The following ADPRH variants were observed in gnomAD, a reference collection of about 807,000 sequenced individuals.
ADPRH encodes ADP-ribosylarginine hydrolase, also known as ADP-ribose-L-arginine cleaving enzyme.
ADPRH carries 27 observed loss-of-function variants against 28.8 expected under a neutral mutation model. The observed-to-expected ratio is 0.94, with a 90% CI of 0.69 to 1.29. The LOEUF (loss-of-function observed/expected upper bound fraction) is 1.29, where lower values mean the gene tolerates loss of function less well. Ranked by LOEUF, ADPRH falls within the 50% of genes most tolerant of loss-of-function variation. The pLI, the probability that ADPRH is intolerant of heterozygous loss-of-function variation, is 0.00. For synonymous variants in ADPRH, 161 were observed against 166.9 expected (o/e 0.96, Z 0.27); for missense variants, 419 against 444.8 (o/e 0.94, Z 0.52).
At chr3:119,586,715 A>T in intron 4 of ADPRH, 70 bp downstream of exon 4, 1 of 1,568,446 alleles carries the variant, frequency 6.4e-7, no homozygotes, top group Non-Finnish European at 8.6e-7. Context: ...CTGCACATAT[A>T]TGTCTTGTAT....
At chr3:119,582,672 G>T (rs748613288) in intron 3 of ADPRH, among the ~76,000 whole-genome samples, 2 of 152,182 alleles carry the variant, frequency 1.3e-5, no homozygotes, top group Non-Finnish European at 2.9e-5. Context: ...CTTGAACCCA[G>T]GAGTTCAAGA....
At chr3:119,586,780 C>T in intron 4 of ADPRH, 135 bp downstream of exon 4, 1 of 1,280,062 alleles carries the variant, frequency 7.8e-7, no homozygotes, top group South Asian at 1.5e-5. Context: ...TTCTACCCAT[C>T]TGCTAAGGAT....
chr3:119,587,833 T>A lies in ADPRH; in HGVS notation c.1029T>A (p.Ala343=). 6.2e-7 allele frequency: 1 copy of A among 1,612,228 alleles called. No individual in the cohort carries two copies. Among genetic ancestry groups the A allele is most frequent in the Non-Finnish European group, 8.5e-7 (1 of 1,179,016 alleles). Residue 343 remains alanine, a synonymous_variant, in exon 5 of 5, where the codon GCT becomes GCA. Transcript: ENST00000357003. ...ACCGGCTGGAAGAGACAGCTAGGGC[T>A]TTATATTCTCTCGGGTCAAAAGAAG... ...YRNRLEETAR[A]LYSLGSKEDT... is the part of the protein sequence containing the mutation.
chr3:119,583,259 T>G (rs1207866771), intron 3 of ADPRH, among the ~76,000 whole-genome samples: 2 of 152,012 alleles, frequency 1.3e-5, no homozygotes, highest in Non-Finnish European at 2.9e-5. Context: ...AGAAAGAACC[T>G]AAATCTCTCA....
Position 119,587,445 on chromosome 3 carries a change from G to A in ADPRH, c.660-19G>A. On this transcript the variant is annotated intron_variant, in intron 4 of 4. Transcript: ENST00000357003. ...ACTTTATTTTTTTCAATTGACTCTA[G>A]ATTTTTTCCTTTCTACAGGTCCTAC... 1 of 1,484,072 alleles carries A rather than the reference G, an allele frequency of 6.7e-7. No homozygotes were observed. The highest frequency in any genetic ancestry group is 1.5e-5 in the South Asian group (1 of 65,242). The allele number at this position is 1,484,072 out of a possible 1,614,324, so 91.9% of individuals were successfully genotyped here.
chr3:119,582,395 T>C lies in ADPRH; in HGVS notation c.226T>C (p.Leu76=). 2 of 1,614,120 alleles carry C rather than the reference T, an allele frequency of 1.2e-6. No individual in the cohort carries two copies. The highest frequency in any genetic ancestry group is 1.7e-6 in the Non-Finnish European group (2 of 1,180,012). ...ALVEAGKAPK[L]TQLYYLLAKH... Reference sequence around the variant, plus strand: ...TGTGGAAGCTGGGAAAGCCCCTAAGTTGACTCAACTGTATTACCTCCTTGC... The same window carrying C: ...TGTGGAAGCTGGGAAAGCCCCTAAGCTGACTCAACTGTATTACCTCCTTGC... The change falls in exon 3 of 5, where the codon TTG becomes CTG. Residue 76 remains leucine, a synonymous_variant. Transcript: ENST00000357003.
chr3:119,585,784 C>G (rs550695547), intron 3 of ADPRH, among the ~76,000 whole-genome samples: 4 of 152,154 alleles, frequency 2.6e-5, no homozygotes, highest in Non-Finnish European at 5.9e-5. Context: ...CTCCTGACCT[C>G]GTGATCTGCC....
chr3:119,582,480 G>A lies in ADPRH; in HGVS notation c.298+13G>A, dbSNP rs371701534. The A allele has an allele frequency of 1.3e-4, 201 of 1,606,472 alleles. 2 individuals carry two copies. The highest frequency in any genetic ancestry group is 1.7e-4 in the Middle Eastern group (1 of 5,974). On this transcript the variant is annotated intron_variant, in intron 3 of 4. Transcript: ENST00000357003. ...GGGCGGGCACCAGGTGAGCACAGCCGGTGGGAGGTGCAAGGAGGGCAAAGA... is the reference window on the plus strand; with the variant it reads ...GGGCGGGCACCAGGTGAGCACAGCCAGTGGGAGGTGCAAGGAGGGCAAAGA...
intron 4 of ADPRH, 112 bp downstream of exon 4, chr3:119,586,757 C>T: frequency 1.5e-5 from 22 of 1,436,592 alleles, no homozygotes; most frequent in Non-Finnish European, 2.1e-5. Context: ...ATGGTTTTCA[C>T]CCCCAGCCCC....
intron 3 of ADPRH, among the ~76,000 whole-genome samples, chr3:119,584,860 C>T (rs988814005): frequency 6.6e-6 from 1 of 152,224 alleles, no homozygotes; most frequent in Non-Finnish European, 1.5e-5. Context: ...TTGCAGATGG[C>T]TGCCTCCTCG....
intron 3 of ADPRH, among the ~76,000 whole-genome samples, chr3:119,585,042 G>T (rs910623809): frequency 1.3e-5 from 2 of 152,132 alleles, no homozygotes; most frequent in South Asian, 4.1e-4. Flanking sequence ...GAGGTACTTA[G>T]AGCTACAGCA....
At chr3:119,584,069 T>G (rs1452628751) in intron 3 of ADPRH, among the ~76,000 whole-genome samples, 1 of 151,544 alleles carries the variant, frequency 6.6e-6, no homozygotes, top group African/African-American at 2.4e-5. Flanking sequence ...TGAGCCACCA[T>G]GCCTGGCCAA....
intron 1 of ADPRH, 127 bp downstream of exon 1, chr3:119,579,978 C>A (rs957745545): frequency 6.6e-6 from 1 of 152,326 alleles, no homozygotes; most frequent in Non-Finnish European, 1.5e-5. Context: ...CCGTTTCTTT[C>A]CAAAGCCGGG....
chr3:119,585,120 G>A (rs1001140618), intron 3 of ADPRH, among the ~76,000 whole-genome samples: 4 of 152,158 alleles, frequency 2.6e-5, no homozygotes, highest in African/African-American at 9.7e-5. Flanking sequence ...ACCATACCAA[G>A]GGGCCCTTGT....
At chr3:119,582,071 G>GTGGTTTTTTTTTTTTTTTTT in intron 2 of ADPRH, 63 bp from the exon 3 acceptor site, 1 of 1,268,986 alleles carries the variant, frequency 7.9e-7, no homozygotes, top group Non-Finnish European at 1.1e-6. Flanking sequence ...AGCTAGAGTC[G>GTGGTTTTTTTTTTTTTTTTT]TTGTTTTTTC....
rs1215927318 is a variant in ADPRH at position 119,586,522 on chromosome 3, C to T, written c.536C>T (p.Thr179Ile). ...YLGALASALF[T>I]AYAVNSRPPL... ...GGGGCCCTTGCGTCTGCTCTTTTTACAGCCTATGCTGTGAATAGCAGACCA... is the reference window on the plus strand; with the variant it reads ...GGGGCCCTTGCGTCTGCTCTTTTTATAGCCTATGCTGTGAATAGCAGACCA... Residue 179 changes from threonine to isoleucine, a missense_variant, in exon 4 of 5, where the codon ACA becomes ATA. Coordinates refer to ENST00000357003, the MANE Select transcript of ADPRH (RefSeq NM_001125.4). 3.1e-6 allele frequency: 5 copies of T among 1,614,136 alleles called. No homozygotes were observed. The highest frequency in any genetic ancestry group is 4.2e-6 in the Non-Finnish European group (5 of 1,180,050).
chr3:119,589,203 G>A lies in ADPRH; in HGVS notation c.*1325G>A, dbSNP rs1277723052. ...GCCTTGTCATCACATCAATCCTGTTGTGTGGTGCTGTGTGTCTTCTGGGTC... is the reference window on the plus strand; with the variant it reads ...GCCTTGTCATCACATCAATCCTGTTATGTGGTGCTGTGTGTCTTCTGGGTC... On this transcript the variant is annotated 3_prime_UTR_variant, in exon 5 of 5. Coordinates refer to ENST00000357003, the MANE Select transcript of ADPRH (RefSeq NM_001125.4). 2.0e-5 allele frequency: 3 copies of A among 152,248 alleles called. No homozygotes were observed. Among genetic ancestry groups the A allele is most frequent in the African/African-American group, 7.2e-5 (3 of 41,454 alleles). 9.4% of individuals were successfully genotyped at this position (152,248 alleles called of 1,614,324 possible). A position where few individuals can be genotyped will look rare whatever the true frequency, so the allele number is the denominator to read the frequency against.
In ADPRH at chr3:119,589,057, AAATT is replaced by A. The variant is rs2082491743; in HGVS notation, c.*1180_*1183del. The A allele has an allele frequency of 6.6e-6, 1 of 152,224 alleles. No individual in the cohort carries two copies. Among genetic ancestry groups the A allele is most frequent in the South Asian group, 2.1e-4 (1 of 4,824 alleles). 9.4% of individuals were successfully genotyped at this position (152,224 alleles called of 1,614,324 possible). On this transcript the variant is annotated 3_prime_UTR_variant, in exon 5 of 5. Transcript: ENST00000357003. Reference sequence around the variant, plus strand: ...TCCCAATCCTTGTCTACCTGATAATAAATTCTTACTTGTCCTTCAAGACCCAACT... The same window carrying A: ...TCCCAATCCTTGTCTACCTGATAATACTTACTTGTCCTTCAAGACCCAACT...
chr3:119,586,602 A>G lies in ADPRH; in HGVS notation c.616A>G (p.Ile206Val), dbSNP rs1352532534. The G allele has an allele frequency of 3.1e-6, 5 of 1,614,048 alleles. No homozygotes were observed. The highest frequency in any genetic ancestry group is 1.6e-4 in the Middle Eastern group (1 of 6,084). ...GCTGCTACCAGAAGCTAAAAAGTACATTGTCCAATCAGGCTACTTTGTAGA... is the reference window on the plus strand; with the variant it reads ...GCTGCTACCAGAAGCTAAAAAGTACGTTGTCCAATCAGGCTACTTTGTAGA... ...MELLPEAKKY[I>V]VQSGYFVEEN... Residue 206 changes from isoleucine (I) to valine (V), a missense_variant, in exon 4 of 5, where the codon ATT becomes GTT. Physicochemically the swap from Ile to Val is conservative, Grantham distance 29 (BLOSUM62 3). Transcript: ENST00000357003.
Sources: allele counts gnomAD v4.1 joint callset (sites outside exome capture counted in the v4.1 genomes callset), GRCh38; gene constraint gnomAD v4.1.1; transcripts MANE v1.5; gene names NCBI Gene and HGNC (gene_info 2026-07-23, HGNC 2026-07-21).